TOP6BL: variants seen among roughly 807,000 people sequenced by gnomAD.
TOP6BL encodes the protein TOP6B like initiator of meiotic double strand breaks.
the TOP6BL span, chr11:66,843,294 TGGTTTAATAA>T: frequency 6.3e-7 from 1 of 1,582,996 alleles, no homozygotes; most frequent in African/African-American, 1.4e-5. Context: ...CGTTATCCCG[TGGTTTAATAA>T]AGCTGCCGCG....
the TOP6BL span, among the ~76,000 whole-genome samples, chr11:66,750,502 C>T: frequency 1.3e-4 from 20 of 151,944 alleles, no homozygotes; most frequent in Non-Finnish European, 2.1e-4. Flanking sequence ...GAGCCAAGAT[C>T]GCACCACTGC....
chr11:66,820,778 G>A, the TOP6BL span, among the ~76,000 whole-genome samples: 1 of 151,976 alleles, frequency 6.6e-6, no homozygotes, highest in Admixed American at 6.6e-5. Flanking sequence ...TATAGTACAT[G>A]GTATATATTT....
chr11:66,764,651 C>T, the TOP6BL span, among the ~76,000 whole-genome samples: 24 of 143,820 alleles, frequency 1.7e-4, no homozygotes, highest in African/African-American at 5.5e-4. Flanking sequence ...GGCGACAATG[C>T]GAGACTCCAT....
chr11:66,842,514 G>C, the TOP6BL span, among the ~76,000 whole-genome samples: 10 of 152,306 alleles, frequency 6.6e-5, 1 homozygote, highest in Middle Eastern at 3.4e-3. Flanking sequence ...AGAAAGGTGA[G>C]GGGGGACAGA....
chr11:66,790,218 G>A, the TOP6BL span, among the ~76,000 whole-genome samples: 31 of 151,996 alleles, frequency 2.0e-4, no homozygotes, highest in East Asian at 6.0e-3. Context: ...GAAGTGAGCC[G>A]AGATGGCGCC....
At chr11:66,796,836 G>A in the TOP6BL span, among the ~76,000 whole-genome samples, 9 of 148,102 alleles carry the variant, frequency 6.1e-5, no homozygotes, top group Non-Finnish European at 1.0e-4. Flanking sequence ...GAATTGATTT[G>A]GTTTCTATGT....
the TOP6BL span, among the ~76,000 whole-genome samples, chr11:66,835,492 G>T: frequency 6.6e-6 from 1 of 152,292 alleles, no homozygotes; most frequent in Admixed American, 6.5e-5. Context: ...TATATTCACT[G>T]TGCTGTGCAG....
At chr11:66,825,331 T>A in the TOP6BL span, among the ~76,000 whole-genome samples, 16 of 142,590 alleles carry the variant, frequency 1.1e-4, no homozygotes, top group Admixed American at 2.8e-4. Context: ...AAAAAAAAAA[T>A]ACAAAAAAAA....
At chr11:66,807,924 C>T in the TOP6BL span, among the ~76,000 whole-genome samples, 1 of 152,296 alleles carries the variant, frequency 6.6e-6, no homozygotes, top group Non-Finnish European at 1.5e-5. Context: ...ACTGTATATG[C>T]TTTTTGGTCA....
chr11:66,747,717 CAA>C, the TOP6BL span, among the ~76,000 whole-genome samples: 1 of 152,108 alleles, frequency 6.6e-6, no homozygotes, highest in East Asian at 1.9e-4. Flanking sequence ...CTTATGGGCT[CAA>C]GAGATCATCC....
At chr11:66,801,143 T>C in the TOP6BL span, 22 of 1,580,428 alleles carry the variant, frequency 1.4e-5, no homozygotes, top group Non-Finnish European at 1.9e-5. Flanking sequence ...CATGTTTTAC[T>C]CTCCTCTCGA....
the TOP6BL span, chr11:66,842,986 C>CT: frequency 6.4e-7 from 1 of 1,550,550 alleles, no homozygotes; most frequent in Non-Finnish European, 8.7e-7. Flanking sequence ...CGCGGCCCCC[C>CT]TCACTCCTAG....
the TOP6BL span, chr11:66,842,762 G>A: frequency 5.3e-6 from 7 of 1,319,320 alleles, no homozygotes; most frequent in African/African-American, 7.5e-5. Flanking sequence ...GCCCCTCGGC[G>A]CCCGTTCTCC....
At chr11:66,746,712 C>G in the TOP6BL span, among the ~76,000 whole-genome samples, 8 of 150,136 alleles carry the variant, frequency 5.3e-5, no homozygotes, top group African/African-American at 2.0e-4. Flanking sequence ...AAAACTCCAT[C>G]TCAAAAAAAA....
chr11:66,841,110 AT>A, the TOP6BL span, among the ~76,000 whole-genome samples: 1,003 of 84,616 alleles, frequency 0.012, 2 homozygotes, highest in African/African-American at 0.035. Context: ...GAGGCCTCTC[AT>A]TTTTTTTTTT....
At chr11:66,808,974 C>T in the TOP6BL span, among the ~76,000 whole-genome samples, 1 of 152,108 alleles carries the variant, frequency 6.6e-6, no homozygotes, top group African/African-American at 2.4e-5. Context: ...GTGACGGAGT[C>T]TCGCTCCGTC....
chr11:66,839,317 C>T, the TOP6BL span: 2 of 402,168 alleles, frequency 5.0e-6, no homozygotes, highest in Non-Finnish European at 1.0e-5. Flanking sequence ...AAATTGAGGC[C>T]CACAGATATC....
chr11:66,843,029 C>T, the TOP6BL span: 2 of 1,555,264 alleles, frequency 1.3e-6, no homozygotes, highest in South Asian at 1.2e-5. Context: ...CACGGCAGGG[C>T]CCTGGCGCCG....
the TOP6BL span, among the ~76,000 whole-genome samples, chr11:66,778,093 CT>C: frequency 4.2e-3 from 575 of 137,128 alleles, no homozygotes; most frequent in Non-Finnish European, 4.4e-3. Context: ...TCTTTTCTTT[CT>C]TTTTTTTTTT....
Sources: gnomAD v4.1 joint callset for allele counts (sites outside exome capture counted in the v4.1 genomes callset) on GRCh38, gnomAD v4.1.1 for gene constraint, MANE v1.5 for transcripts, NCBI Gene and HGNC (gene_info 2026-07-23, HGNC 2026-07-21) for gene names.